The following PSD2 variants were observed in gnomAD, a reference collection of about 807,000 sequenced individuals.
PSD2 encodes the protein pleckstrin and Sec7 domain containing 2.
PSD2 carries 38 observed loss-of-function variants against 69.8 expected under a neutral mutation model. The observed-to-expected ratio is 0.54, with a 90% CI of 0.42 to 0.71. The LOEUF (loss-of-function observed/expected upper bound fraction) is 0.71, where lower values mean the gene tolerates loss of function less well. Among genes scored for constraint, PSD2 ranks in the 30% least tolerant of loss-of-function variants. PSD2 has a pLI of 0.00. For synonymous variants in PSD2, 412 were observed against 423.0 expected, an observed-to-expected ratio of 0.97 and a Z score of 0.32; for missense variants, 943 against 1,014.5, an observed-to-expected ratio of 0.93 and a Z score of 0.96.
At chr5:139,813,196 G>C (rs942767379) in intron 2 of PSD2, 113 bp from the exon 3 acceptor site, 4 of 788,850 alleles carry the variant, frequency 5.1e-6, no homozygotes, top group Non-Finnish European at 8.1e-6. Context: ...AAGTGAATAG[G>C]ATGGGGGAGT....
chr5:139,831,459 CT>C (rs923619015), intron 7 of PSD2, among the ~76,000 whole-genome samples: 4 of 151,348 alleles, frequency 2.6e-5, no homozygotes, highest in Non-Finnish European at 5.9e-5. Context: ...TGTTCTGTTT[CT>C]TTTTTTTTCT....
At chr5:139,826,988 G>A (rs530393662) in intron 7 of PSD2, among the ~76,000 whole-genome samples, 20 of 152,180 alleles carry the variant, frequency 1.3e-4, no homozygotes, top group Admixed American at 3.9e-4. Flanking sequence ...TTCAAATACC[G>A]TTGGCCCCAG....
chr5:139,813,283 G>A (rs1186957050), intron 2 of PSD2, 26 bp from the exon 3 acceptor site: 4 of 1,513,498 alleles, frequency 2.6e-6, no homozygotes. Flanking sequence ...TTGGCAGGAT[G>A]GTGACTGGCT....
At chr5:139,766,828 C>CTTTCTTTCT in the PSD2 span, among the ~76,000 whole-genome samples, 16 of 87,810 alleles carry the variant, frequency 1.8e-4, no homozygotes, top group African/African-American at 3.6e-4. Flanking sequence ...AAGTCCCTTC[C>CTTTCTTTCT]TTCTTTCTTT....
chr5:139,826,219 G>A (rs1237381835), intron 7 of PSD2, among the ~76,000 whole-genome samples: 1 of 152,200 alleles, frequency 6.6e-6, no homozygotes, highest in African/African-American at 2.4e-5. Context: ...GGTGAGATGA[G>A]CTCAAGAGGC....
the PSD2 span, among the ~76,000 whole-genome samples, chr5:139,776,379 T>A: frequency 6.6e-6 from 1 of 152,178 alleles, no homozygotes; most frequent in East Asian, 1.9e-4. Context: ...TAATTTCAGC[T>A]GAGAACATTG....
At chr5:139,757,012 A>G in the PSD2 span, among the ~76,000 whole-genome samples, 1 of 152,230 alleles carries the variant, frequency 6.6e-6, no homozygotes, top group Non-Finnish European at 1.5e-5. Context: ...ACAGATGAGG[A>G]AACAGAGGCA....
the PSD2 span, among the ~76,000 whole-genome samples, chr5:139,773,158 C>T: frequency 1.3e-5 from 2 of 152,160 alleles, no homozygotes; most frequent in East Asian, 1.9e-4. Context: ...TCATTCATCT[C>T]GCAAAACTGA....
intron 5 of PSD2, among the ~76,000 whole-genome samples, chr5:139,819,329 T>C (rs1247054350): frequency 6.6e-6 from 1 of 152,210 alleles, no homozygotes. Context: ...ATGTGTTCAG[T>C]TGGGCAAACC....
At chr5:139,758,798 G>A in the PSD2 span, among the ~76,000 whole-genome samples, 7 of 152,066 alleles carry the variant, frequency 4.6e-5, no homozygotes, top group East Asian at 1.2e-3. Context: ...CTGCTAGACA[G>A]AGGTGGCCAT....
At chr5:139,750,248 C>T in the PSD2 span, among the ~76,000 whole-genome samples, 2 of 152,096 alleles carry the variant, frequency 1.3e-5, no homozygotes, top group Non-Finnish European at 2.9e-5. Context: ...TGGGGTGAAC[C>T]CAGGAGGCTG....
chr5:139,840,981 C>A (rs1027669290), intron 14 of PSD2, among the ~76,000 whole-genome samples: 38 of 152,090 alleles, frequency 2.5e-4, no homozygotes, highest in African/African-American at 8.5e-4. Context: ...TGTTGTGTAA[C>A]CAATCTCCAC....
At chr5:139,794,962 T>G (rs929459052), upstream of PSD2, among the ~76,000 whole-genome samples, 3 of 152,112 alleles carry the variant, frequency 2.0e-5, no homozygotes, top group African/African-American at 7.2e-5. Context: ...GGGCCTTGAC[T>G]TGCCCTTGGG....
At chr5:139,758,819 T>C in the PSD2 span, among the ~76,000 whole-genome samples, 1 of 151,934 alleles carries the variant, frequency 6.6e-6, no homozygotes, top group Non-Finnish European at 1.5e-5. Flanking sequence ...GATTAGCAGC[T>C]CCAGTTGACC....
the PSD2 span, among the ~76,000 whole-genome samples, chr5:139,774,444 G>A: frequency 6.6e-6 from 1 of 152,300 alleles, no homozygotes; most frequent in African/African-American, 2.4e-5. Context: ...TAAGAGGTGG[G>A]CAGGGCTGGC....
chr5:139,822,730 G>A lies in PSD2; in HGVS notation c.1215G>A (p.Gly405=). 6.2e-7 allele frequency: 1 copy of A among 1,610,614 alleles called. No homozygotes were observed. The highest frequency in any genetic ancestry group is 8.5e-7 in the Non-Finnish European group (1 of 1,178,354). The part of the protein sequence containing the change: ...CNPDDSTSED[G]IHTLTCALML... ...GTGCCACCATCTCTGACTCAGATGG[G>A]ATCCACACGCTCACCTGTGCCCTGA... The change falls in exon 7 of 15, where the codon GGG becomes GGA. Residue 405 remains glycine (G), a synonymous_variant. Transcript: ENST00000274710.
At chr5:139,824,403 T>G (rs1330289690) in intron 7 of PSD2, among the ~76,000 whole-genome samples, 1 of 147,882 alleles carries the variant, frequency 6.8e-6, no homozygotes, top group East Asian at 2.0e-4. Context: ...TGTTTTTTTT[T>G]TTTTTTTTTT....
the PSD2 span, among the ~76,000 whole-genome samples, chr5:139,780,779 G>A: frequency 2.6e-5 from 4 of 152,212 alleles, no homozygotes; most frequent in Middle Eastern, 3.4e-3. Flanking sequence ...TTTTGAATTC[G>A]GCCTCCAGCC....
the PSD2 span, among the ~76,000 whole-genome samples, chr5:139,749,121 C>T: frequency 1.5e-4 from 23 of 152,288 alleles, no homozygotes; most frequent in East Asian, 2.7e-3. Context: ...GCTTCTTACA[C>T]ACTCAGGCCC....
Sources: gnomAD v4.1 joint callset for allele counts (sites outside exome capture counted in the v4.1 genomes callset) on GRCh38, gnomAD v4.1.1 for gene constraint, MANE v1.5 for transcripts, NCBI Gene and HGNC (gene_info 2026-07-23, HGNC 2026-07-21) for gene names.